The following HLF variants were observed in gnomAD, a reference collection of about 807,000 sequenced individuals.
HLF encodes HLF transcription factor, PAR bZIP family member.
HLF carries 3 observed loss-of-function variants against 22.6 expected under a neutral mutation model. That is an observed-to-expected ratio of 0.13 (90% CI 0.06 to 0.34). HLF has a LOEUF of 0.34. Ranked by LOEUF, HLF falls within the 10% of genes least tolerant of loss-of-function variation. The pLI is 1.00. For synonymous variants in HLF, 151 were observed against 151.8 expected (o/e 0.99, Z 0.04); for missense variants, 299 against 389.2 (o/e 0.77, Z 1.95).
At chr17:55,301,307 C>T (rs2081155542) in intron 2 of HLF, among the ~76,000 whole-genome samples, 1 of 152,268 alleles carries the variant, frequency 6.6e-6, no homozygotes, top group African/African-American at 2.4e-5. Context: ...TTCTCAGAGC[C>T]TGGCTCATAG....
At chr17:55,288,573 G>A (rs888148229) in intron 2 of HLF, among the ~76,000 whole-genome samples, 22 of 151,998 alleles carry the variant, frequency 1.4e-4, no homozygotes, top group African/African-American at 5.1e-4. Context: ...GACCAGCCTG[G>A]GCAATGTAAT....
At chr17:55,304,270 C>A (rs72628382) in intron 2 of HLF, among the ~76,000 whole-genome samples, 27,540 of 152,140 alleles carry the variant, frequency 0.18, 3,041 homozygotes, top group East Asian at 0.43. Flanking sequence ...TTCTGCCACA[C>A]GGTGACCCCA....
intron 2 of HLF, among the ~76,000 whole-genome samples, chr17:55,314,422 G>A (rs779317884): frequency 1.8e-4 from 28 of 152,164 alleles, no homozygotes; most frequent in Non-Finnish European, 3.5e-4. Flanking sequence ...CTGCAGCCGT[G>A]GCTCATGCAA....
At chr17:55,276,571 G>C (rs2080906174) in intron 2 of HLF, among the ~76,000 whole-genome samples, 1 of 152,208 alleles carries the variant, frequency 6.6e-6, no homozygotes, top group African/African-American at 2.4e-5. Context: ...AGCCAGATTG[G>C]AGAGGTTAAT....
intron 2 of HLF, chr17:55,272,842 G>A (rs1356124506): frequency 6.6e-6 from 1 of 152,292 alleles, no homozygotes; most frequent in African/African-American, 2.4e-5. Context: ...CCAGCAGACT[G>A]ATAATGTCTG....
In HLF at chr17:55,324,787, A is replaced by C. The variant is rs1292797854; in HGVS notation, c.*3908A>C. ...ATACATTTTGCAGGAGGCTAAGTGT[A>C]AGAGTGTGTGTGTGTGTGTGTGCGT... On this transcript the variant is annotated 3_prime_UTR_variant, in exon 4 of 4. Coordinates refer to ENST00000226067, the MANE Select transcript of HLF (RefSeq NM_002126.5). 8.9e-6 allele frequency: 2 copies of C among 224,172 alleles called. No individual in the cohort carries two copies. The highest frequency in any genetic ancestry group is 1.7e-5 in the Non-Finnish European group (2 of 114,996). The allele number at this position is 224,172 out of a possible 1,614,324, so 13.9% of individuals were successfully genotyped here. A position where few individuals can be genotyped will look rare whatever the true frequency, so the allele number is the denominator to read the frequency against.
Position 55,322,482 on chromosome 17 carries a change from GT to G in HLF, c.*1608del. 1 of 209,070 alleles carries G rather than the reference GT, an allele frequency of 4.8e-6. No homozygotes were observed. The highest frequency in any genetic ancestry group is 9.7e-6 in the Non-Finnish European group (1 of 102,588). The allele number at this position is 209,070 out of a possible 1,614,324, so 13.0% of individuals were successfully genotyped here. A position where few individuals can be genotyped will look rare whatever the true frequency, so the allele number is the denominator to read the frequency against. On this transcript the variant is annotated 3_prime_UTR_variant, in exon 4 of 4. Transcript: ENST00000226067. ...TTGTACAGAGAAGAAGTGCTTGGGG[GT>G]TTTTGAAGTCTTTAATATTTTAAGC...
At position 55,320,001 on chromosome 17, in the gene HLF, T is replaced by A. The variant is rs764127285; in HGVS notation, c.673-663T>A. ...GCATATCATATGAACATCTTTCTGG[T>A]GCAGGTGGGTCATTATTTTTAACAG... On this transcript the variant is annotated intron_variant, in intron 3 of 3. Coordinates refer to ENST00000226067, the MANE Select transcript of HLF (RefSeq NM_002126.5). This position sits in a 1 kb window ranked among gnomAD's most constrained non-coding sequence, Gnocchi z 4.2. Among the ~76,000 whole-genome samples, 1 of 152,236 alleles carries A rather than the reference T, an allele frequency of 6.6e-6. No individual in the cohort carries two copies. The highest frequency in any genetic ancestry group is 1.9e-4 in the East Asian group (1 of 5,200).
In HLF at chr17:55,303,828, G is replaced by T. The variant is rs140403612; in HGVS notation, c.452-11399G>T. Among the ~76,000 whole-genome samples the T allele has an allele frequency of 9.8e-4, 149 of 152,296 alleles. 1 individual carries two copies. The highest frequency in any genetic ancestry group is 1.8e-3 in the Non-Finnish European group (122 of 68,028). ...GTGTGGCGGAAGTTCTGGCTGTGAC[G>T]TCAGTAAGCTCGTTCTGCACAGACT... On this transcript the variant is annotated intron_variant, in intron 2 of 3. Transcript: ENST00000226067.
chr17:55,314,678 A>G (rs1314422033), intron 2 of HLF, among the ~76,000 whole-genome samples: 1 of 152,096 alleles, frequency 6.6e-6, no homozygotes, highest in Non-Finnish European at 1.5e-5. Flanking sequence ...CACCTAGAAT[A>G]CCCTTTTTTT....
chr17:55,304,007 T>G (rs1019366434), intron 2 of HLF, among the ~76,000 whole-genome samples: 15 of 152,168 alleles, frequency 9.9e-5, no homozygotes, highest in African/African-American at 3.6e-4. Context: ...GTTTAAGTCT[T>G]TGGGGCATGG....
At chr17:55,281,577 A>C (rs1483857593) in intron 2 of HLF, among the ~76,000 whole-genome samples, 1 of 152,220 alleles carries the variant, frequency 6.6e-6, no homozygotes, top group Non-Finnish European at 1.5e-5. Context: ...AAGAGTGAAC[A>C]CAATGCTCCT....
intron 2 of HLF, among the ~76,000 whole-genome samples, chr17:55,294,753 T>C (rs2081096597): frequency 6.6e-6 from 1 of 152,208 alleles, no homozygotes; most frequent in South Asian, 2.1e-4. Flanking sequence ...TCCCTTTCCA[T>C]GCACTTCCTG....
At chr17:55,291,884 A>T (rs2081066150) in intron 2 of HLF, among the ~76,000 whole-genome samples, 1 of 152,354 alleles carries the variant, frequency 6.6e-6, no homozygotes, top group East Asian at 1.9e-4. Flanking sequence ...TGCAACCCTT[A>T]TAGTGGATGA....
At chr17:55,295,164 A>G (rs902824272) in intron 2 of HLF, among the ~76,000 whole-genome samples, 2 of 152,240 alleles carry the variant, frequency 1.3e-5, no homozygotes, top group Non-Finnish European at 1.5e-5. Flanking sequence ...GAATCAGGAA[A>G]GCAAGAATGG....
At chr17:55,288,671 G>T (rs143992932) in intron 2 of HLF, among the ~76,000 whole-genome samples, 1 of 151,578 alleles carries the variant, frequency 6.6e-6, no homozygotes, top group Non-Finnish European at 1.5e-5. Flanking sequence ...TGGGAGGATC[G>T]CTTGAGCCCA....
intron 2 of HLF, among the ~76,000 whole-genome samples, chr17:55,271,287 T>TA (rs2080854998): frequency 6.6e-6 from 1 of 152,262 alleles, no homozygotes; most frequent in African/African-American, 2.4e-5. Flanking sequence ...CTTTAGTTAA[T>TA]AAAACTAAGC....
rs2080775226 is a variant in HLF at position 55,265,084 on chromosome 17, C to A, written c.-401C>A. The A allele has an allele frequency of 5.3e-6, 1 of 189,142 alleles. No individual in the cohort carries two copies. The highest frequency in any genetic ancestry group is 2.3e-5 in the African/African-American group (1 of 42,798). 11.7% of individuals were successfully genotyped at this position (189,142 alleles called of 1,614,324 possible). A position where few individuals can be genotyped will look rare whatever the true frequency, so the allele number is the denominator to read the frequency against. On this transcript the variant is annotated 5_prime_UTR_variant, in exon 1 of 4. Transcript: ENST00000226067. ...GGGGGTGGGGTGGGACGGCGCACCG[C>A]CTCCGGTGCTGGCACTAGGGGCTGG...
At chr17:55,275,474 A>G (rs2080896917) in intron 2 of HLF, among the ~76,000 whole-genome samples, 1 of 152,198 alleles carries the variant, frequency 6.6e-6, no homozygotes, top group Non-Finnish European at 1.5e-5. Context: ...TTGAATTTTT[A>G]ACAATAGACA....
Sources: gnomAD v4.1 joint callset for allele counts (sites outside exome capture counted in the v4.1 genomes callset) on GRCh38, gnomAD v4.1.1 for gene constraint, Gnocchi (gnomAD v3.1) non-coding constraint, MANE v1.5 for transcripts, NCBI Gene and HGNC (gene_info 2026-07-23, HGNC 2026-07-21) for gene names.